The following PACRG variants were observed in gnomAD, a reference collection of about 807,000 sequenced individuals.
The protein encoded by PACRG is parkin coregulated gene protein.
Under a neutral mutation model 29.7 loss-of-function variants are expected in PACRG, and 29 were observed. The observed-to-expected ratio is 0.98, with a 90% confidence interval of 0.73 to 1.33. PACRG has a LOEUF of 1.33. Among genes scored for constraint, PACRG ranks in the 40% most tolerant of loss-of-function variants. The pLI is 0.00. For synonymous variants in PACRG, 116 were observed against 118.7 expected, an observed-to-expected ratio of 0.98 and a Z score of 0.15; for missense variants, 279 against 316.2, an observed-to-expected ratio of 0.88 and a Z score of 0.89.
rs748916564 is a variant in PACRG, at chr6:163,315,003, G to A, written c.*16G>A. 4 of 1,610,370 alleles carry A rather than the reference G, an allele frequency of 2.5e-6. 1 individual carries two copies. The Admixed American group carries it at 6.7e-5, about 27-fold the overall frequency. On this transcript the variant is annotated 3_prime_UTR_variant, in exon 5 of 5. Transcript: ENST00000366888. Reference sequence around the variant, plus strand: ...GCTAAACTAACAGTGGCAGCAGCTGGGACTTGAAACCTCCCGTTGGTGTTG... The same window carrying A: ...GCTAAACTAACAGTGGCAGCAGCTGAGACTTGAAACCTCCCGTTGGTGTTG...
chr6:162,960,927 A>G (rs1449205493), intron 2 of PACRG, among the ~76,000 whole-genome samples: 2 of 152,336 alleles, frequency 1.3e-5, no homozygotes, highest in African/African-American at 4.8e-5. Flanking sequence ...CTTTCCCAAT[A>G]GTTAAGAGCC....
chr6:163,189,960 C>T (rs1237503029), intron 4 of PACRG: 1 of 152,092 alleles, frequency 6.6e-6, no homozygotes, highest in African/African-American at 2.4e-5. Flanking sequence ...TCTGGTAACA[C>T]CACAAAAGCA....
At chr6:163,100,363 C>G (rs926992511) in intron 4 of PACRG, among the ~76,000 whole-genome samples, 1 of 152,210 alleles carries the variant, frequency 6.6e-6, no homozygotes. Context: ...GACTCCAGCC[C>G]TGCTGCCTCG....
chr6:162,968,664 C>T (rs1277680753), intron 2 of PACRG, among the ~76,000 whole-genome samples: 1 of 152,028 alleles, frequency 6.6e-6, no homozygotes, highest in East Asian at 1.9e-4. Context: ...AATTATTACC[C>T]GACTTGCAAT....
intron 4 of PACRG, among the ~76,000 whole-genome samples, chr6:163,102,268 A>G (rs58803463): frequency 0.013 from 1,987 of 152,350 alleles, 88 homozygotes; most frequent in Admixed American, 0.085. Context: ...AGGTCAGGGT[A>G]CAGTTTGGAA....
At chr6:163,038,826 A>G (rs1220461375) in intron 2 of PACRG, among the ~76,000 whole-genome samples, 1 of 152,194 alleles carries the variant, frequency 6.6e-6, no homozygotes, top group African/African-American at 2.4e-5. Context: ...AGCTGGGTGC[A>G]AAGGCATATC....
chr6:162,996,581 T>G lies in PACRG; in HGVS notation c.292-65569T>G, dbSNP rs560321918. ...ATTAAATTATGATGAATCCATTCAA[T>G]GGAATATTATATAACAATTTAAAAT... On this transcript the variant is annotated intron_variant, in intron 2 of 4. Transcript: ENST00000366888. Among the ~76,000 whole-genome samples the G allele has an allele frequency of 4.3e-4, 66 of 152,242 alleles. No homozygotes were observed. In the South Asian group the frequency reaches 9.3e-3, roughly 22 times the overall value.
chr6:162,938,807 G>T (rs1798415085), intron 2 of PACRG, among the ~76,000 whole-genome samples: 1 of 152,076 alleles, frequency 6.6e-6, no homozygotes, highest in South Asian at 2.1e-4. Flanking sequence ...CTTTTTTTGA[G>T]AATTGTCTAT....
intron 2 of PACRG, among the ~76,000 whole-genome samples, chr6:162,942,221 G>A (rs1441782382): frequency 6.6e-6 from 1 of 152,156 alleles, no homozygotes; most frequent in East Asian, 1.9e-4. Flanking sequence ...GGTTAGAGTA[G>A]AGCTATTCTC....
intron 2 of PACRG, among the ~76,000 whole-genome samples, chr6:162,898,056 GT>G (rs1166268069): frequency 3.9e-5 from 6 of 152,228 alleles, no homozygotes; most frequent in African/African-American, 1.4e-4. Context: ...AGGAGAAGCA[GT>G]GCAGAACGTT....
At chr6:162,844,242 C>T (rs369964904) in intron 2 of PACRG, among the ~76,000 whole-genome samples, 137 of 148,452 alleles carry the variant, frequency 9.2e-4, no homozygotes, top group African/African-American at 2.1e-3. Flanking sequence ...GTGCTAGCAA[C>T]CAGCGAGACT....
chr6:163,246,881 GCA>G (rs1782718154), intron 4 of PACRG, among the ~76,000 whole-genome samples: 1 of 152,222 alleles, frequency 6.6e-6, no homozygotes, highest in Non-Finnish European at 1.5e-5. Context: ...AAGTAGGAAA[GCA>G]CAGAGTATAC....
chr6:163,265,594 C>T (rs13190700), intron 4 of PACRG, among the ~76,000 whole-genome samples: 37,189 of 152,014 alleles, frequency 0.24, 4,942 homozygotes, highest in Admixed American at 0.33. Flanking sequence ...ATAGTGTTAG[C>T]TGATGTTATT....
chr6:163,303,055 G>A (rs1012394233), intron 4 of PACRG, among the ~76,000 whole-genome samples: 1 of 152,194 alleles, frequency 6.6e-6, no homozygotes, highest in African/African-American at 2.4e-5. Context: ...AGATGAGCAG[G>A]GTGAGGGGGC....
intron 1 of PACRG, among the ~76,000 whole-genome samples, chr6:162,750,637 G>T (rs550508937): frequency 6.6e-6 from 1 of 152,312 alleles, no homozygotes; most frequent in South Asian, 2.1e-4. Context: ...ATTTGCCACA[G>T]TTATTATCTT....
chr6:162,749,986 A>C lies in PACRG; in HGVS notation c.156+21595A>C, dbSNP rs114205349. Among the ~76,000 whole-genome samples, 890 of 152,200 alleles carry C rather than the reference A, an allele frequency of 5.8e-3. 9 individuals are homozygous for C. The highest frequency in any genetic ancestry group is 0.02 in the African/African-American group (816 of 41,538). On this transcript the variant is annotated intron_variant, in intron 1 of 4. Transcript: ENST00000366888. ...CAGATTATGAAAACCAAATCCCCAT[A>C]ATTTTTCCACTCATGTATATTTACA... is the stretch of plus-strand genomic sequence containing the variant.
intron 4 of PACRG, among the ~76,000 whole-genome samples, chr6:163,208,662 T>A (rs1204975248): frequency 6.6e-6 from 1 of 152,230 alleles, no homozygotes; most frequent in Non-Finnish European, 1.5e-5. Flanking sequence ...GCTCAAATAT[T>A]ACTTATAATC....
chr6:162,952,749 T>C (rs1467707242), intron 2 of PACRG, among the ~76,000 whole-genome samples: 1 of 152,144 alleles, frequency 6.6e-6, no homozygotes, highest in Non-Finnish European at 1.5e-5. Context: ...GCATCATCCT[T>C]AGTCTGGGAA....
At chr6:163,001,177 G>T (rs1352289845) in intron 2 of PACRG, among the ~76,000 whole-genome samples, 1 of 152,240 alleles carries the variant, frequency 6.6e-6, no homozygotes, top group Non-Finnish European at 1.5e-5. Flanking sequence ...TGGGTGGGTT[G>T]TGAACTGTTC....
Sources: allele counts gnomAD v4.1 joint callset (sites outside exome capture counted in the v4.1 genomes callset), GRCh38; gene constraint gnomAD v4.1.1; transcripts MANE v1.5; gene names NCBI Gene and HGNC (gene_info 2026-07-23, HGNC 2026-07-21).